KIF16B: variants seen among roughly 807,000 people sequenced by gnomAD.
KIF16B encodes the protein kinesin family member 16B, also known as kinesin-like protein KIF16B.
KIF16B carries 98 observed loss-of-function variants against 156.3 expected under a neutral mutation model. The ratio of observed to expected loss-of-function variants is 0.63; its 90% CI spans 0.53 to 0.74. The LOEUF is 0.74. KIF16B is among the 30% of genes least tolerant of loss of function. The pLI is 0.00. For synonymous variants in KIF16B, 564 were observed against 583.7 expected (o/e 0.97, Z 0.49); for missense variants, 1,421 against 1,606.5 (o/e 0.88, Z 1.97).
chr20:16,391,010 T>C (rs902277844), intron 17 of KIF16B, among the ~76,000 whole-genome samples: 12 of 152,132 alleles, frequency 7.9e-5, no homozygotes, highest in African/African-American at 2.4e-4. Flanking sequence ...ACAGCATTTA[T>C]AGGGATGAGA....
intron 1 of KIF16B, among the ~76,000 whole-genome samples, chr20:16,558,171 G>A (rs569641504): frequency 1.4e-3 from 215 of 152,356 alleles, no homozygotes; most frequent in African/African-American, 4.9e-3. Context: ...TCCAGCAGAC[G>A]AGTGGCAGGT....
chr20:16,545,789 G>A (rs1202697222), intron 1 of KIF16B, among the ~76,000 whole-genome samples: 1 of 152,038 alleles, frequency 6.6e-6, no homozygotes, highest in African/African-American at 2.4e-5. Context: ...CTAGTTTAGT[G>A]CTGCAGCACT....
chr20:16,491,416 G>A (rs1486154686), intron 12 of KIF16B, among the ~76,000 whole-genome samples: 1 of 152,134 alleles, frequency 6.6e-6, no homozygotes, highest in Non-Finnish European at 1.5e-5. Context: ...GCAAGAGAGT[G>A]GAGACATAGA....
At chr20:16,474,962 C>T (rs1420667662) in intron 12 of KIF16B, among the ~76,000 whole-genome samples, 3 of 152,148 alleles carry the variant, frequency 2.0e-5, no homozygotes, top group Non-Finnish European at 4.4e-5. Flanking sequence ...CTCTACCAGA[C>T]AAAAAGAGTC....
chr20:16,543,600 T>C (rs1261699301), intron 1 of KIF16B, among the ~76,000 whole-genome samples: 3 of 152,132 alleles, frequency 2.0e-5, no homozygotes, highest in Non-Finnish European at 2.9e-5. Context: ...ATTTCATACA[T>C]TACAAAATTC....
At chr20:16,405,529 C>T (rs6043927) in intron 16 of KIF16B, among the ~76,000 whole-genome samples, 229 of 152,258 alleles carry the variant, frequency 1.5e-3, no homozygotes, top group African/African-American at 5.2e-3. Context: ...CTGGCAACCT[C>T]GGGCATCCCT....
intron 12 of KIF16B, among the ~76,000 whole-genome samples, chr20:16,453,105 C>CAAAA (rs35303077): frequency 1.8e-4 from 25 of 137,304 alleles, no homozygotes; most frequent in African/African-American, 6.6e-4. Context: ...CTATCTTTAC[C>CAAAA]AAAAAAAAAA....
At chr20:16,494,949 G>A (rs1181890376) in intron 11 of KIF16B, among the ~76,000 whole-genome samples, 1 of 152,162 alleles carries the variant, frequency 6.6e-6, no homozygotes, top group Non-Finnish European at 1.5e-5. Context: ...CTAACTTAGG[G>A]GAGTAAACAC....
At chr20:16,534,499 A>C (rs991766127) in intron 1 of KIF16B, among the ~76,000 whole-genome samples, 1 of 152,108 alleles carries the variant, frequency 6.6e-6, no homozygotes, top group Middle Eastern at 3.2e-3. Flanking sequence ...TTGCTGTGTA[A>C]ATGTTTTTCA....
rs185851437 is a variant in KIF16B at position 16,476,875 on chromosome 20, C to T, written c.1302+17416G>A. Among the ~76,000 whole-genome samples, 1,154 of 152,264 alleles carry T rather than the reference C, an allele frequency of 7.6e-3. 12 individuals carry two copies. Among genetic ancestry groups the T allele is most frequent in the African/African-American group, 0.025 (1,038 of 41,562 alleles). On this transcript the variant is annotated intron_variant, in intron 12 of 25. Coordinates refer to ENST00000354981, the MANE Select transcript of KIF16B (RefSeq NM_024704.5). ...CCAGGTTCAAGTGATCCTCCTGCCT[C>T]AGCCTCCCGAGTAGCTGGGACTACA...
chr20:16,572,518 A>G (rs1409783551), intron 1 of KIF16B, among the ~76,000 whole-genome samples: 1 of 152,244 alleles, frequency 6.6e-6, no homozygotes, highest in African/African-American at 2.4e-5. Context: ...TTCTAAACGG[A>G]TTAAAAAGAG....
intron 25 of KIF16B, among the ~76,000 whole-genome samples, chr20:16,294,721 G>A (rs2063358541): frequency 6.6e-6 from 1 of 152,158 alleles, no homozygotes; most frequent in African/African-American, 2.4e-5. Context: ...AGCCCACCAT[G>A]GCTATGGCTA....
In KIF16B at chr20:16,562,164, T is replaced by C. The variant is rs541954232; in HGVS notation, c.47+11065A>G. ...CAATTATTTCAAAATAAAAATTTTT[T>C]AAAATATCTTTTCTGAAGAAAGAAA... is the stretch of plus-strand genomic sequence containing the variant. On this transcript the variant is annotated intron_variant, in intron 1 of 25. Coordinates refer to ENST00000354981, the MANE Select transcript of KIF16B (RefSeq NM_024704.5). 5.9e-5 allele frequency among the ~76,000 whole-genome samples: 9 copies of C among 152,348 alleles called. No homozygotes were observed. In the South Asian group the frequency reaches 1.9e-3, roughly 32 times the overall value.
At chr20:16,548,421 G>A (rs2070495976) in intron 1 of KIF16B, among the ~76,000 whole-genome samples, 1 of 152,190 alleles carries the variant, frequency 6.6e-6, no homozygotes, top group Non-Finnish European at 1.5e-5. Flanking sequence ...AGCAGTACTG[G>A]TCTATGGGCA....
intron 12 of KIF16B, among the ~76,000 whole-genome samples, chr20:16,490,813 A>G (rs1372544666): frequency 6.6e-6 from 1 of 152,130 alleles, no homozygotes; most frequent in Non-Finnish European, 1.5e-5. Context: ...AGATTAATAC[A>G]AAGGTTTTTA....
intron 25 of KIF16B, among the ~76,000 whole-genome samples, chr20:16,274,487 A>G (rs536813452): frequency 3.9e-5 from 6 of 152,338 alleles, no homozygotes; most frequent in African/African-American, 1.4e-4. Context: ...GGCAAATCTC[A>G]TCTGTAACAG....
chr20:16,318,027 G>GA (rs1362002188), intron 24 of KIF16B, among the ~76,000 whole-genome samples: 3 of 152,132 alleles, frequency 2.0e-5, no homozygotes, highest in Admixed American at 6.6e-5. Context: ...CAAAGTGAAG[G>GA]AAAAAATTGG....
chr20:16,558,836 A>G (rs2070949196), intron 1 of KIF16B, among the ~76,000 whole-genome samples: 1 of 146,422 alleles, frequency 6.8e-6, no homozygotes, highest in African/African-American at 2.5e-5. Flanking sequence ...CCTGAGAGGC[A>G]GAGGCTGCAG....
chr20:16,324,895 A>G (rs2063821653), intron 24 of KIF16B, among the ~76,000 whole-genome samples: 1 of 152,104 alleles, frequency 6.6e-6, no homozygotes, highest in Non-Finnish European at 1.5e-5. Flanking sequence ...AGATGCAAAA[A>G]TCCTCAACAA....
Sources: gnomAD v4.1 joint callset for allele counts (sites outside exome capture counted in the v4.1 genomes callset) on GRCh38, gnomAD v4.1.1 for gene constraint, MANE v1.5 for transcripts, NCBI Gene and HGNC (gene_info 2026-07-23, HGNC 2026-07-21) for gene names.